NCKAP1: variants seen among roughly 807,000 people sequenced by gnomAD.
The protein encoded by NCKAP1 is nck-associated protein 1.
In NCKAP1, 21 loss-of-function variants were observed where a neutral mutation model predicts 151.2. The observed-to-expected ratio is 0.14, with a 90% CI of 0.10 to 0.20. The LOEUF (loss-of-function observed/expected upper bound fraction) is 0.20, where lower values mean the gene tolerates loss of function less well. Ranked by LOEUF, NCKAP1 falls within the 10% of genes least tolerant of loss-of-function variation. The pLI, the probability that NCKAP1 is intolerant of heterozygous loss-of-function variation, is 1.00. For missense variants in NCKAP1, 933 were observed against 1,352.1 expected, an observed-to-expected ratio of 0.69 and a Z score of 4.86; for synonymous variants, 484 against 451.8, an observed-to-expected ratio of 1.07 and a Z score of -0.90.
chr2:183,016,457 G>C (rs1247013875), intron 2 of NCKAP1, among the ~76,000 whole-genome samples: 1 of 152,124 alleles, frequency 6.6e-6, no homozygotes, highest in African/African-American at 2.4e-5. Context: ...CTTTTTAAAA[G>C]AACATTGACA....
At position 182,922,131 on chromosome 2, in the gene NCKAP1, T is replaced by G. The variant is rs747039230; in HGVS notation, c.*3571A>C. The G allele has an allele frequency of 6.6e-6, 1 of 152,260 alleles. No individual in the cohort carries two copies. The highest frequency in any genetic ancestry group is 2.4e-5 in the African/African-American group (1 of 41,544). The allele number at this position is 152,260 out of a possible 1,614,324, so 9.4% of individuals were successfully genotyped here. The stretch of plus-strand genomic sequence containing the variant: ...ATGTAAGGAGTCACTACTTTAAGGA[T>G]TATTCACAAAAGTCTTAGGAATAAT... On this transcript the variant is annotated 3_prime_UTR_variant, in exon 31 of 31. Coordinates refer to ENST00000361354, the MANE Select transcript of NCKAP1 (RefSeq NM_013436.5).
intron 9 of NCKAP1, 133 bp from the exon 10 acceptor site, chr2:182,986,360 G>T: frequency 1.4e-6 from 1 of 691,552 alleles, no homozygotes. Context: ...GGAAGTGCAT[G>T]GAAGAATCTA....
In NCKAP1 at chr2:182,923,231, T is replaced by C. The variant is rs1046366441; in HGVS notation, c.*2471A>G. ...AGATATAGATATACATTTATAATAA[T>C]GAAAAGAAATTGTCTAAAAATCTAT... On this transcript the variant is annotated 3_prime_UTR_variant, in exon 31 of 31. Transcript: ENST00000361354. 6.6e-6 allele frequency: 1 copy of C among 152,022 alleles called. No homozygotes were observed. Among genetic ancestry groups the C allele is most frequent in the African/African-American group, 2.4e-5 (1 of 41,416 alleles). The allele number at this position is 152,022 out of a possible 1,614,324, so 9.4% of individuals were successfully genotyped here.
At chr2:182,957,264 T>C (rs2105827311) in intron 19 of NCKAP1, 193 bp downstream of exon 19, 1 of 550,374 alleles carries the variant, frequency 1.8e-6, no homozygotes, top group Non-Finnish European at 2.8e-6. Context: ...TATTTTCTTC[T>C]AAAGGCCAAA....
At chr2:182,942,517 A>G (rs1364517490) in intron 23 of NCKAP1, among the ~76,000 whole-genome samples, 2 of 152,120 alleles carry the variant, frequency 1.3e-5, no homozygotes, top group African/African-American at 4.8e-5. Flanking sequence ...AAACAAAAAA[A>G]CTAGCTAAAG....
At chr2:182,996,887 T>G (rs1482903552) in intron 6 of NCKAP1, among the ~76,000 whole-genome samples, 1 of 152,222 alleles carries the variant, frequency 6.6e-6, no homozygotes, top group Non-Finnish European at 1.5e-5. Context: ...TCTACCATTT[T>G]ATTAAGCTAC....
chr2:182,996,452 T>C (rs903886291), intron 6 of NCKAP1, among the ~76,000 whole-genome samples: 2 of 152,182 alleles, frequency 1.3e-5, no homozygotes, highest in East Asian at 1.9e-4. Context: ...AAAAATTCTG[T>C]AAAGAGTGAT....
At chr2:182,930,159 G>C (rs1202042358) in intron 27 of NCKAP1, among the ~76,000 whole-genome samples, 1 of 151,830 alleles carries the variant, frequency 6.6e-6, no homozygotes, top group Non-Finnish European at 1.5e-5. Flanking sequence ...AACTCTTTGA[G>C]TTGTCTTCTA....
intron 8 of NCKAP1, among the ~76,000 whole-genome samples, chr2:182,993,363 C>T (rs1041463713): frequency 2.6e-5 from 4 of 152,108 alleles, no homozygotes; most frequent in African/African-American, 9.7e-5. Context: ...ATATAAAGGG[C>T]CAACTCTATT....
In NCKAP1 at chr2:182,921,473, C is replaced by T. The variant is rs1316515600; in HGVS notation, c.*4229G>A. Reference sequence around the variant, plus strand: ...CCAAGGTCACATACCTAGTACAACCCCATCTCCAGGCCACCCATTTACCAA... The same window carrying T: ...CCAAGGTCACATACCTAGTACAACCTCATCTCCAGGCCACCCATTTACCAA... On this transcript the variant is annotated 3_prime_UTR_variant, in exon 31 of 31. Transcript: ENST00000361354. 6.6e-6 allele frequency: 1 copy of T among 152,194 alleles called. No individual in the cohort carries two copies. Among genetic ancestry groups the T allele is most frequent in the Non-Finnish European group, 1.5e-5 (1 of 68,084 alleles). 9.4% of individuals were successfully genotyped at this position (152,194 alleles called of 1,614,324 possible). A position where few individuals can be genotyped will look rare whatever the true frequency, so the allele number is the denominator to read the frequency against.
intron 13 of NCKAP1, among the ~76,000 whole-genome samples, chr2:182,980,048 G>C (rs905327054): frequency 6.6e-6 from 1 of 151,972 alleles, no homozygotes; most frequent in Non-Finnish European, 1.5e-5. Context: ...AATAGATTAA[G>C]TAATTCAGGA....
rs1696474255 is a variant in NCKAP1, at chr2:182,916,722, ACTG to A, written c.*8977_*8979del. 6.6e-6 allele frequency: 1 copy of A among 152,242 alleles called. No individual in the cohort carries two copies. The highest frequency in any genetic ancestry group is 1.5e-5 in the Non-Finnish European group (1 of 68,040). 9.4% of individuals were successfully genotyped at this position (152,242 alleles called of 1,614,324 possible). ...AGCAATTGTCGCAATTGTTCTGGAT[ACTG>A]CAATAACATTTGAAAATACAAGCTT... On this transcript the variant is annotated 3_prime_UTR_variant, in exon 31 of 31. Transcript: ENST00000361354.
At position 182,921,808 on chromosome 2, in the gene NCKAP1, G is replaced by A. The variant is rs1397740949; in HGVS notation, c.*3894C>T. ...GGGAAAGTTTGGTTCATGCAAAAAT[G>A]AATGAAATTTTAATACACTTAAAGT... On this transcript the variant is annotated 3_prime_UTR_variant, in exon 31 of 31. Transcript: ENST00000361354. The A allele has an allele frequency of 6.6e-6, 1 of 151,936 alleles. No homozygotes were observed. Among genetic ancestry groups the A allele is most frequent in the African/African-American group, 2.4e-5 (1 of 41,414 alleles). The allele number at this position is 151,936 out of a possible 1,614,324, so 9.4% of individuals were successfully genotyped here.
chr2:182,997,328 G>T (rs954684223), intron 6 of NCKAP1, among the ~76,000 whole-genome samples: 5 of 152,032 alleles, frequency 3.3e-5, no homozygotes, highest in African/African-American at 1.2e-4. Flanking sequence ...TCTAGTTCTT[G>T]TAAGTGCAAG....
chr2:182,911,719 G>A lies in NCKAP1; in HGVS notation c.*13983C>T, dbSNP rs1270783912. 6.6e-6 allele frequency: 1 copy of A among 151,882 alleles called. No individual in the cohort carries two copies. The highest frequency in any genetic ancestry group is 1.5e-5 in the Non-Finnish European group (1 of 67,978). The allele number at this position is 151,882 out of a possible 1,614,324, so 9.4% of individuals were successfully genotyped here. ...CCTATACTACTACAATGAGAAAACA[G>A]ATTGCTGTTGATGGGAATTATTAAA... On this transcript the variant is annotated 3_prime_UTR_variant, in exon 31 of 31. Transcript: ENST00000361354.
At position 183,002,276 on chromosome 2, in the gene NCKAP1, GAA is replaced by G; in HGVS notation, c.370-9_370-8del. 1 of 1,451,792 alleles carries G rather than the reference GAA, an allele frequency of 6.9e-7. No homozygotes were observed. 89.9% of individuals were successfully genotyped at this position (1,451,792 alleles called of 1,614,324 possible). On this transcript the variant is annotated splice_polypyrimidine_tract_variant and splice_region_variant and intron_variant, in intron 4 of 30. Transcript: ENST00000361354. ...TTAAATCAAAGTTTACAGTCTAGGA[GAA>G]AAAAAAATCAAGTTCAACTACTTCC...
intron 1 of NCKAP1, among the ~76,000 whole-genome samples, chr2:183,035,798 T>C (rs1008199123): frequency 6.6e-6 from 1 of 152,158 alleles, no homozygotes; most frequent in African/African-American, 2.4e-5. Flanking sequence ...GGTATTATTA[T>C]TAAAACTAGA....
At chr2:182,964,296 CTT>C (rs1368520419) in intron 17 of NCKAP1, among the ~76,000 whole-genome samples, 5 of 152,070 alleles carry the variant, frequency 3.3e-5, no homozygotes, top group African/African-American at 9.7e-5. Context: ...GTGAATCTCT[CTT>C]TGACTTGTTT....
chr2:182,953,237 G>A lies in NCKAP1; in HGVS notation c.2248C>T (p.Leu750Phe), dbSNP rs1174116179. Residue 750 changes from leucine (L) to phenylalanine (F), a missense_variant, in exon 21 of 31, where the codon CTC (leucine) becomes TTC (phenylalanine). Leu to Phe is a conservative substitution (Grantham distance 22). Around this residue, in one of 2 missense-constraint regions of NCKAP1, gnomAD observed 326 missense variants for 557.1 expected, o/e 0.59. Coordinates refer to ENST00000361354, the MANE Select transcript of NCKAP1 (RefSeq NM_013436.5). ...TGCACATAGTTTTCTATTGACTGGAGTACGGTCATGTATGCTCTTACACTT... is the reference window on the plus strand; with the variant it reads ...TGCACATAGTTTTCTATTGACTGGAATACGGTCATGTATGCTCTTACACTT... ...LTSVRAYMTV[L>F]QSIENYVQID... is the part of the protein sequence containing the mutation. The A allele has an allele frequency of 5.0e-6, 8 of 1,612,764 alleles. No individual in the cohort carries two copies. The highest frequency in any genetic ancestry group is 6.8e-6 in the Non-Finnish European group (8 of 1,178,928).
Sources: gnomAD v4.1 joint callset for allele counts (sites outside exome capture counted in the v4.1 genomes callset) on GRCh38, gnomAD v4.1.1 for gene constraint, gnomAD v4.1.1 regional missense constraint, MANE v1.5 for transcripts, NCBI Gene and HGNC (gene_info 2026-07-23, HGNC 2026-07-21) for gene names.